The following SYT1 variants were observed in gnomAD, a reference collection of about 807,000 sequenced individuals.
The protein encoded by SYT1 is synaptotagmin-1.
Under a neutral mutation model 44.8 loss-of-function variants are expected in SYT1, and 8 were observed. The ratio of observed to expected loss-of-function variants is 0.18; its 90% CI spans 0.10 to 0.32. The LOEUF is 0.32. Ranked by LOEUF, SYT1 falls within the 10% of genes least tolerant of loss-of-function variation. SYT1 has a pLI of 1.00. For synonymous variants in SYT1, 154 were observed against 188.8 expected (o/e 0.82, Z 1.51); for missense variants, 286 against 509.3 (o/e 0.56, Z 4.22).
chr12:79,241,076 G>A (rs575559136), intron 4 of SYT1, among the ~76,000 whole-genome samples: 1 of 152,070 alleles, frequency 6.6e-6, no homozygotes, highest in Non-Finnish European at 1.5e-5. Context: ...AGGAGACTGA[G>A]GTAGGAGGAT....
chr12:79,254,709 A>T lies in SYT1; in HGVS notation c.167-31078A>T, dbSNP rs143146562. On this transcript the variant is annotated intron_variant, in intron 4 of 10. Transcript: ENST00000261205. ...GCCATTAAGAACATTCATGATTCAT[A>T]GGAGGTCAAAATATCAACATTAACA... Among the ~76,000 whole-genome samples, 61 of 152,348 alleles carry T rather than the reference A, an allele frequency of 4.0e-4. No homozygotes were observed. The East Asian group carries it at 0.011, about 26-fold the overall frequency.
intron 9 of SYT1, among the ~76,000 whole-genome samples, chr12:79,441,579 C>T (rs1237052972): frequency 3.3e-5 from 5 of 152,010 alleles, no homozygotes; most frequent in African/African-American, 9.7e-5. Flanking sequence ...CCTCCCAAAG[C>T]GCTGGGATTA....
intron 2 of SYT1, among the ~76,000 whole-genome samples, chr12:79,011,900 G>A (rs1871431925): frequency 6.6e-6 from 1 of 152,100 alleles, no homozygotes; most frequent in African/African-American, 2.4e-5. Context: ...GCGGGGCTGA[G>A]GCGGGTGAAT....
chr12:79,071,022 A>G (rs1451283204), intron 3 of SYT1, among the ~76,000 whole-genome samples: 4 of 152,162 alleles, frequency 2.6e-5, no homozygotes, highest in Admixed American at 1.3e-4. Flanking sequence ...TTCCCCTCTA[A>G]ACACAAACTC....
chr12:79,442,940 A>G (rs1870510803), intron 9 of SYT1, among the ~76,000 whole-genome samples: 1 of 152,120 alleles, frequency 6.6e-6, no homozygotes, highest in African/African-American at 2.4e-5. Flanking sequence ...TATTTTTTCT[A>G]TAATGAACAT....
At chr12:79,015,169 A>T (rs1871723145) in intron 2 of SYT1, among the ~76,000 whole-genome samples, 1 of 152,072 alleles carries the variant, frequency 6.6e-6, no homozygotes, top group Non-Finnish European at 1.5e-5. Flanking sequence ...TATGTAACTA[A>T]CCTGCACATT....
At chr12:79,234,738 G>A (rs1167268864) in intron 4 of SYT1, among the ~76,000 whole-genome samples, 1 of 129,040 alleles carries the variant, frequency 7.7e-6, no homozygotes, top group Non-Finnish European at 1.6e-5. Flanking sequence ...TTGAGATGAA[G>A]TCTTGCTGTG....
chr12:79,415,993 A>G (rs944463777), intron 9 of SYT1, among the ~76,000 whole-genome samples: 3 of 152,256 alleles, frequency 2.0e-5, no homozygotes, highest in Non-Finnish European at 4.4e-5. Context: ...AGCTGTTTAC[A>G]TTAGTAATCC....
intron 3 of SYT1, among the ~76,000 whole-genome samples, chr12:79,048,521 T>C (rs995970894): frequency 3.3e-5 from 5 of 151,970 alleles, no homozygotes; most frequent in Admixed American, 2.0e-4. Flanking sequence ...CTGAAGGTTA[T>C]GTATGTTACA....
At position 79,267,226 on chromosome 12, in the gene SYT1, A is replaced by G. The variant is rs1181865580; in HGVS notation, c.167-18561A>G. 2.6e-5 allele frequency among the ~76,000 whole-genome samples: 4 copies of G among 152,362 alleles called. 1 individual carries two copies. Among genetic ancestry groups the G allele is most frequent in the Non-Finnish European group, 5.9e-5 (4 of 68,026 alleles). On this transcript the variant is annotated intron_variant, in intron 4 of 10. Coordinates refer to ENST00000261205, the MANE Select transcript of SYT1 (RefSeq NM_005639.3). ...CTGCCCCTTTAGCTGATAATCTTTT[A>G]TCATAATTGAATTTAATCTCAATAA...
chr12:78,955,679 A>G (rs1432943811), intron 1 of SYT1: 2 of 152,044 alleles, frequency 1.3e-5, no homozygotes, highest in Non-Finnish European at 2.9e-5. Context: ...CATTCAAACC[A>G]CAGCAATTGG....
At chr12:79,438,156 G>A (rs529878079) in intron 9 of SYT1, among the ~76,000 whole-genome samples, 1 of 152,238 alleles carries the variant, frequency 6.6e-6, no homozygotes, top group Non-Finnish European at 1.5e-5. Context: ...CCTTTGTATA[G>A]CATGGTAGGT....
At chr12:79,189,583 T>G (rs1266418961) in intron 3 of SYT1, among the ~76,000 whole-genome samples, 1 of 152,116 alleles carries the variant, frequency 6.6e-6, no homozygotes, top group African/African-American at 2.4e-5. Flanking sequence ...GTATAGAAGA[T>G]ATAATTATCC....
At chr12:79,131,413 TTG>T (rs1463343237) in intron 3 of SYT1, among the ~76,000 whole-genome samples, 4 of 151,884 alleles carry the variant, frequency 2.6e-5, no homozygotes, top group Non-Finnish European at 4.4e-5. Context: ...TTTGTTTGTT[TTG>T]TGTGTGTGTG....
rs1021060851 is a variant in SYT1, at chr12:79,451,285, T to C, written c.*2161T>C. 2.0e-5 allele frequency: 3 copies of C among 152,108 alleles called. No individual in the cohort carries two copies. The highest frequency in any genetic ancestry group is 3.9e-4 in the East Asian group (2 of 5,188). 9.4% of individuals were successfully genotyped at this position (152,108 alleles called of 1,614,324 possible). A position where few individuals can be genotyped will look rare whatever the true frequency, so the allele number is the denominator to read the frequency against. On this transcript the variant is annotated 3_prime_UTR_variant, in exon 11 of 11. Coordinates refer to ENST00000261205, the MANE Select transcript of SYT1 (RefSeq NM_005639.3). ...CGTACTTCTTAAAAAACATAGGTAA[T>C]AGAAAATATACACAAGTCAGAATGT...
At chr12:78,994,950 G>A (rs1398639976) in intron 2 of SYT1, among the ~76,000 whole-genome samples, 1 of 152,014 alleles carries the variant, frequency 6.6e-6, no homozygotes. Flanking sequence ...CATCCCACCT[G>A]TGATTGCTGC....
At chr12:79,320,204 G>A (rs1565907128) in intron 8 of SYT1, among the ~76,000 whole-genome samples, 2 of 152,210 alleles carry the variant, frequency 1.3e-5, no homozygotes, top group East Asian at 1.9e-4. Flanking sequence ...AATGTACTGC[G>A]ATGTGAACTG....
At chr12:79,161,170 G>A (rs957252940) in intron 3 of SYT1, among the ~76,000 whole-genome samples, 11 of 152,128 alleles carry the variant, frequency 7.2e-5, no homozygotes, top group Non-Finnish European at 1.3e-4. Flanking sequence ...AGCCCAGGAG[G>A]CAAAGGTTGT....
At chr12:79,402,154 C>T (rs184485173) in intron 9 of SYT1, among the ~76,000 whole-genome samples, 122 of 152,240 alleles carry the variant, frequency 8.0e-4, no homozygotes, top group Non-Finnish European at 1.1e-3. Flanking sequence ...TCAGTCTACA[C>T]TCCACCCATC....
Sources: allele counts gnomAD v4.1 joint callset (sites outside exome capture counted in the v4.1 genomes callset), GRCh38; gene constraint gnomAD v4.1.1; transcripts MANE v1.5; gene names NCBI Gene and HGNC (gene_info 2026-07-23, HGNC 2026-07-21).